Variants in RNF150 observed in about 807,000 individuals in gnomAD.
RNF150 encodes ring finger protein 150.
Under a neutral mutation model 39.3 loss-of-function variants are expected in RNF150, and 24 were observed. That is an observed-to-expected ratio of 0.61 (90% CI 0.44 to 0.86). RNF150 has a LOEUF of 0.86. Among genes scored for constraint, RNF150 ranks in the 40% least tolerant of loss-of-function variants. The pLI, the probability that RNF150 is intolerant of heterozygous loss-of-function variation, is 0.00. For synonymous variants in RNF150, 255 were observed against 227.3 expected, an observed-to-expected ratio of 1.12 and a Z score of -1.10; for missense variants, 502 against 587.8, an observed-to-expected ratio of 0.85 and a Z score of 1.51.
intron 4 of RNF150, among the ~76,000 whole-genome samples, chr4:140,944,150 G>A (rs1471459468): frequency 2.6e-5 from 4 of 152,172 alleles, no homozygotes; most frequent in Non-Finnish European, 4.4e-5. Context: ...CTTACTCTCC[G>A]TGCAAGAGAA....
intron 1 of RNF150, among the ~76,000 whole-genome samples, chr4:141,097,486 A>T (rs2111026477): frequency 6.6e-6 from 1 of 151,924 alleles, no homozygotes; most frequent in East Asian, 1.9e-4. Flanking sequence ...CTTGTGTCAT[A>T]GTTTAATTGG....
intron 1 of RNF150, among the ~76,000 whole-genome samples, chr4:141,012,801 A>AAAAAAAG (rs1735123260): frequency 6.7e-6 from 1 of 149,972 alleles, no homozygotes; most frequent in African/African-American, 2.5e-5. Flanking sequence ...AAAAAAAAAA[A>AAAAAAAG]AGGCATCCCC....
In RNF150 at chr4:141,132,349, C is replaced by T. The variant is rs1726917050; in HGVS notation, c.460G>A (p.Glu154Lys). 1.3e-6 allele frequency: 2 copies of T among 1,589,704 alleles called. No homozygotes were observed. The highest frequency in any genetic ancestry group is 1.1e-5 in the South Asian group (1 of 87,008). Residue 154 changes from glutamate to lysine, a missense_variant, in exon 1 of 7, where the codon GAG (glutamate) becomes AAG (lysine). Coordinates refer to ENST00000515673, the MANE Select transcript of RNF150 (RefSeq NM_020724.2). The surrounding 1 kb of genome is among the most constrained non-coding windows in gnomAD (Gnocchi z 4.9). Reference protein sequence around the residue: ...VIFNVGSNTNETITMPHAGVE... With the variant: ...VIFNVGSNTNKTITMPHAGVE... The stretch of plus-strand genomic sequence containing the variant: ...CCCGCGTGGGGCATGGTGATGGTCT[C>T]GTTGGTGTTGGAGCCCACGTTGAAG...
intron 1 of RNF150, among the ~76,000 whole-genome samples, chr4:140,982,133 C>A (rs141154999): frequency 2.3e-3 from 347 of 152,278 alleles, no homozygotes; most frequent in African/African-American, 8.0e-3. Context: ...AGGAGCCTCA[C>A]CAATGGCAAA....
At chr4:141,137,069 A>T (rs1389440616), upstream of RNF150, among the ~76,000 whole-genome samples, 1 of 152,226 alleles carries the variant, frequency 6.6e-6, no homozygotes, top group Non-Finnish European at 1.5e-5. Context: ...ATTGTATTTG[A>T]TATGCAGAAA....
In RNF150 at chr4:140,880,919, A is replaced by G. The variant is rs570399751; in HGVS notation, c.1199-12540T>C. ...GTCTTCTCTTTATTTTAATTAGTCTAGCTAAGGATCTGTCAATTTGGTTGA... is the reference window on the plus strand; with the variant it reads ...GTCTTCTCTTTATTTTAATTAGTCTGGCTAAGGATCTGTCAATTTGGTTGA... On this transcript the variant is annotated intron_variant, in intron 6 of 6. Transcript: ENST00000515673. Among the ~76,000 whole-genome samples, 4 of 152,224 alleles carry G rather than the reference A, an allele frequency of 2.6e-5. No homozygotes were observed. In the South Asian group the frequency reaches 8.3e-4, roughly 32 times the overall value.
intron 6 of RNF150, among the ~76,000 whole-genome samples, chr4:140,896,701 C>A (rs6537014): frequency 0.019 from 836 of 43,608 alleles, 12 homozygotes; most frequent in Middle Eastern, 0.068. Flanking sequence ...AAAAAAAAAA[C>A]AAAAAAACAA....
intron 6 of RNF150, among the ~76,000 whole-genome samples, chr4:140,906,125 A>C (rs1423209504): frequency 6.6e-6 from 1 of 152,202 alleles, no homozygotes; most frequent in Non-Finnish European, 1.5e-5. Flanking sequence ...TAGAACTATC[A>C]GTTACCTAAA....
At chr4:141,135,127 G>T (rs1374934444), upstream of RNF150, among the ~76,000 whole-genome samples, 1 of 152,220 alleles carries the variant, frequency 6.6e-6, no homozygotes, top group African/African-American at 2.4e-5. Flanking sequence ...TACTGTTGGA[G>T]AAGGAATTTA....
chr4:140,942,173 A>T (rs550483061), intron 4 of RNF150, among the ~76,000 whole-genome samples: 21 of 152,296 alleles, frequency 1.4e-4, no homozygotes, highest in African/African-American at 5.1e-4. Flanking sequence ...ACCAAAAAAA[A>T]CCAAAAAACA....
chr4:140,970,045 T>G (rs765096645), intron 1 of RNF150, among the ~76,000 whole-genome samples: 1 of 152,186 alleles, frequency 6.6e-6, no homozygotes, highest in East Asian at 1.9e-4. Context: ...ATAACAGGCC[T>G]GAGTCACCAT....
chr4:140,890,429 C>A (rs1729719765), intron 6 of RNF150, among the ~76,000 whole-genome samples: 1 of 152,074 alleles, frequency 6.6e-6, no homozygotes, highest in Admixed American at 6.5e-5. Context: ...GTGTTGTGTG[C>A]TAAATGTTTC....
chr4:140,989,825 T>C (rs993021891), intron 1 of RNF150, among the ~76,000 whole-genome samples: 8 of 152,258 alleles, frequency 5.3e-5, no homozygotes, highest in African/African-American at 1.7e-4. Flanking sequence ...TGATAGTACT[T>C]GCAGCAAATG....
intron 1 of RNF150, among the ~76,000 whole-genome samples, chr4:141,071,017 T>C (rs1159999244): frequency 2.6e-4 from 33 of 124,734 alleles, no homozygotes; most frequent in East Asian, 1.6e-3. Flanking sequence ...ATTAAGAAAA[T>C]GTGGCACATA....
intron 1 of RNF150, among the ~76,000 whole-genome samples, chr4:141,141,839 A>T (rs998106334): frequency 3.3e-5 from 5 of 152,132 alleles, no homozygotes; most frequent in African/African-American, 1.2e-4. Context: ...ATAATATAAT[A>T]AAAAAACTGT....
chr4:141,196,510 T>C (rs1404879653), intron 1 of RNF150, among the ~76,000 whole-genome samples: 1 of 152,322 alleles, frequency 6.6e-6, no homozygotes, highest in Middle Eastern at 3.4e-3. Flanking sequence ...CAAGTCCAGC[T>C]CTTTGGGTTT....
chr4:140,917,874 C>T (rs78449674), intron 5 of RNF150, among the ~76,000 whole-genome samples: 1,901 of 151,818 alleles, frequency 0.013, 22 homozygotes, highest in African/African-American at 0.033. Context: ...ACTAGAACTC[C>T]GGATTAAGAA....
upstream of RNF150, among the ~76,000 whole-genome samples, chr4:141,138,362 T>A (rs1278340594): frequency 6.6e-6 from 1 of 152,136 alleles, no homozygotes; most frequent in Non-Finnish European, 1.5e-5. Flanking sequence ...CTTCAGCATA[T>A]GTCCTTTATT....
At chr4:140,887,373 A>G (rs1361055390) in intron 6 of RNF150, among the ~76,000 whole-genome samples, 2 of 152,254 alleles carry the variant, frequency 1.3e-5, no homozygotes, top group Non-Finnish European at 2.9e-5. Flanking sequence ...ACTATACGCT[A>G]TGCCAGATAA....
Sources: gnomAD v4.1 joint callset for allele counts (sites outside exome capture counted in the v4.1 genomes callset) on GRCh38, gnomAD v4.1.1 for gene constraint, Gnocchi (gnomAD v3.1) non-coding constraint, MANE v1.5 for transcripts, NCBI Gene and HGNC (gene_info 2026-07-23, HGNC 2026-07-21) for gene names.